CTNNA3: variants seen among roughly 807,000 people sequenced by gnomAD.
CTNNA3 encodes the protein catenin alpha-3.
CTNNA3 carries 76 observed loss-of-function variants against 95.7 expected under a neutral mutation model. The observed-to-expected ratio is 0.79, with a 90% CI of 0.66 to 0.96. The LOEUF is 0.96. Among genes scored for constraint, CTNNA3 ranks in the 40% least tolerant of loss-of-function variants. CTNNA3 has a pLI of 0.00. For synonymous variants in CTNNA3, 431 were observed against 374.4 expected, an observed-to-expected ratio of 1.15 and a Z score of -1.74; for missense variants, 1,191 against 1,089.8, an observed-to-expected ratio of 1.09 and a Z score of -1.31.
chr10:66,251,762 T>C (rs1162638652), intron 13 of CTNNA3, among the ~76,000 whole-genome samples: 1 of 152,220 alleles, frequency 6.6e-6, no homozygotes, highest in Non-Finnish European at 1.5e-5. Context: ...AATATCAACA[T>C]TGTTCAAATA....
chr10:67,060,820 G>T (rs1050482987), intron 7 of CTNNA3, among the ~76,000 whole-genome samples: 3 of 151,696 alleles, frequency 2.0e-5, no homozygotes, highest in African/African-American at 7.3e-5. Context: ...ACAAATGGTT[G>T]TGTACATATA....
chr10:66,824,875 C>G (rs1842440171), intron 7 of CTNNA3, among the ~76,000 whole-genome samples: 1 of 152,078 alleles, frequency 6.6e-6, no homozygotes, highest in Admixed American at 6.5e-5. Context: ...CTAAGAAAAT[C>G]CAAATGAAGT....
chr10:65,948,728 C>T lies in CTNNA3; in HGVS notation c.2400+17884G>A, dbSNP rs76440681. 2.1e-3 allele frequency among the ~76,000 whole-genome samples: 314 copies of T among 152,268 alleles called. 1 individual carries two copies. Among genetic ancestry groups the T allele is most frequent in the African/African-American group, 7.0e-3 (289 of 41,550 alleles). On this transcript the variant is annotated intron_variant, in intron 17 of 17. Transcript: ENST00000433211. Reference sequence around the variant, plus strand: ...TCTTTTACAGACCCCTAGGTTAGGACATTGTTACCATTTGTTACCATTTGT... The same window carrying T: ...TCTTTTACAGACCCCTAGGTTAGGATATTGTTACCATTTGTTACCATTTGT...
At position 66,034,440 on chromosome 10, in the gene CTNNA3, T is replaced by G. The variant is rs1589273925; in HGVS notation, c.2159+34868A>C. ...TTGAATTTCTGGAGCTTCTGAACAT[T>G]TCTCATTATACAGTCTCCAGTTCAA... On this transcript the variant is annotated intron_variant, in intron 15 of 17. Coordinates refer to ENST00000433211, the MANE Select transcript of CTNNA3 (RefSeq NM_013266.4). Among the ~76,000 whole-genome samples, 3 of 152,138 alleles carry G rather than the reference T, an allele frequency of 2.0e-5. No homozygotes were observed. The South Asian group carries it at 6.2e-4, about 32-fold the overall frequency.
intron 11 of CTNNA3, among the ~76,000 whole-genome samples, chr10:66,502,139 C>T (rs1487979298): frequency 5.9e-5 from 9 of 151,918 alleles, no homozygotes; most frequent in Admixed American, 5.9e-4. Context: ...AGAGTCTGAC[C>T]CTGGGTGATA....
intron 5 of CTNNA3, among the ~76,000 whole-genome samples, chr10:67,252,413 C>T (rs1358661092): frequency 6.6e-6 from 1 of 151,934 alleles, no homozygotes; most frequent in African/African-American, 2.4e-5. Context: ...ACTGTTTTTT[C>T]CTATACATAC....
chr10:67,716,682 T>C (rs1170859610), intron 1 of CTNNA3, among the ~76,000 whole-genome samples: 1 of 152,194 alleles, frequency 6.6e-6, no homozygotes, highest in Non-Finnish European at 1.5e-5. Flanking sequence ...TAGTATTCCA[T>C]GGTGTGTATG....
At chr10:67,567,871 G>T (rs1841860876) in intron 3 of CTNNA3, among the ~76,000 whole-genome samples, 2 of 152,122 alleles carry the variant, frequency 1.3e-5, no homozygotes, top group Admixed American at 1.3e-4. Flanking sequence ...TCTATCAGAA[G>T]CTAACTATAG....
chr10:66,891,221 T>G (rs1158627472), intron 7 of CTNNA3, among the ~76,000 whole-genome samples: 1 of 152,152 alleles, frequency 6.6e-6, no homozygotes, highest in Non-Finnish European at 1.5e-5. Context: ...AACAAATATA[T>G]TTTACTTTAT....
chr10:66,370,358 C>T (rs7895266), intron 12 of CTNNA3, among the ~76,000 whole-genome samples: 53,920 of 152,074 alleles, frequency 0.35, 11,191 homozygotes, highest in Non-Finnish European at 0.47. Flanking sequence ...TCATTAGTTT[C>T]ATAAATCTGA....
chr10:66,807,977 G>GT (rs1417361421), intron 7 of CTNNA3, among the ~76,000 whole-genome samples: 2 of 152,018 alleles, frequency 1.3e-5, no homozygotes, highest in Non-Finnish European at 2.9e-5. Context: ...TCTAGCCTCA[G>GT]TATGCTTAAT....
intron 3 of CTNNA3, among the ~76,000 whole-genome samples, chr10:67,594,532 T>C (rs1589465936): frequency 1.3e-5 from 2 of 152,286 alleles, no homozygotes; most frequent in East Asian, 3.9e-4. Context: ...TTTTCTAGTT[T>C]ATGTGCATAG....
intron 7 of CTNNA3, among the ~76,000 whole-genome samples, chr10:66,951,452 G>A (rs1300189402): frequency 6.6e-6 from 1 of 152,110 alleles, no homozygotes; most frequent in East Asian, 1.9e-4. Flanking sequence ...CTATGTTTGA[G>A]GCATTGCAAT....
intron 7 of CTNNA3, among the ~76,000 whole-genome samples, chr10:67,149,914 A>C (rs1006374927): frequency 3.9e-5 from 6 of 152,240 alleles, no homozygotes; most frequent in Non-Finnish European, 5.9e-5. Flanking sequence ...ACAACAAATA[A>C]TGAGGCATTC....
intron 13 of CTNNA3, among the ~76,000 whole-genome samples, chr10:66,189,183 A>T (rs1464353445): frequency 6.7e-6 from 1 of 149,552 alleles, no homozygotes; most frequent in Non-Finnish European, 1.5e-5. Flanking sequence ...CTGCTTTTAC[A>T]TTTTGTTGAC....
At chr10:66,799,560 G>A (rs1401584522) in intron 7 of CTNNA3, among the ~76,000 whole-genome samples, 1 of 151,486 alleles carries the variant, frequency 6.6e-6, no homozygotes, top group Non-Finnish European at 1.5e-5. Flanking sequence ...TATTTAAACT[G>A]AAGCATTGTG....
intron 12 of CTNNA3, among the ~76,000 whole-genome samples, chr10:66,342,160 G>C (rs772364647): frequency 6.6e-6 from 1 of 151,516 alleles, no homozygotes; most frequent in Admixed American, 6.6e-5. Flanking sequence ...CTTCTTTTTT[G>C]CAATAGTCCA....
intron 7 of CTNNA3, among the ~76,000 whole-genome samples, chr10:67,021,346 T>G (rs1440102548): frequency 6.6e-6 from 1 of 152,166 alleles, no homozygotes; most frequent in Non-Finnish European, 1.5e-5. Context: ...AGCACTTGTA[T>G]ACAATCAGTG....
intron 9 of CTNNA3, among the ~76,000 whole-genome samples, chr10:66,758,635 T>C (rs146731438): frequency 6.6e-6 from 1 of 152,218 alleles, no homozygotes; most frequent in African/African-American, 2.4e-5. Flanking sequence ...CACCAATTAA[T>C]TGTATATCAA....
Sources: gnomAD v4.1 joint callset for allele counts (sites outside exome capture counted in the v4.1 genomes callset) on GRCh38, gnomAD v4.1.1 for gene constraint, MANE v1.5 for transcripts, NCBI Gene and HGNC (gene_info 2026-07-23, HGNC 2026-07-21) for gene names.